The following RALYL variants were observed in gnomAD, a reference collection of about 807,000 sequenced individuals.
RALYL encodes the protein RNA-binding Raly-like protein.
In RALYL, 29 loss-of-function variants were observed where a neutral mutation model predicts 35.1. The ratio of observed to expected loss-of-function variants is 0.83; its 90% CI spans 0.61 to 1.13. The LOEUF (loss-of-function observed/expected upper bound fraction) is 1.13. Among genes scored for constraint, RALYL ranks in the 50% most tolerant of loss-of-function variants. The pLI, the probability that RALYL is intolerant of heterozygous loss-of-function variation, is 0.00. For synonymous variants in RALYL, 120 were observed against 127.6 expected (o/e 0.94, Z 0.40); for missense variants, 359 against 360.4 (o/e 1.00, Z 0.03).
At chr8:84,679,784 A>C in intron 2 of RALYL, 1 of 506,844 alleles carries the variant, frequency 2.0e-6, no homozygotes, top group Admixed American at 2.1e-5. Flanking sequence ...AAGCCAGGGA[A>C]ATTGGATAGA....
At chr8:84,913,027 G>GGT (rs1563856249) in intron 8 of RALYL, among the ~76,000 whole-genome samples, 2,140 of 120,280 alleles carry the variant, frequency 0.018, 24 homozygotes, top group East Asian at 0.054. Context: ...TGGATGGATG[G>GGT]ATGGATAGGT....
At chr8:84,368,214 A>T (rs1854908723) in intron 1 of RALYL, among the ~76,000 whole-genome samples, 1 of 152,206 alleles carries the variant, frequency 6.6e-6, no homozygotes, top group Non-Finnish European at 1.5e-5. Context: ...GATATGTGCA[A>T]GCGCTATTCT....
At chr8:84,691,144 T>G (rs1266989225) in intron 2 of RALYL, among the ~76,000 whole-genome samples, 3 of 152,246 alleles carry the variant, frequency 2.0e-5, no homozygotes, top group African/African-American at 7.2e-5. Context: ...TTAAAATTAC[T>G]TTCTTTAGTT....
intron 1 of RALYL, among the ~76,000 whole-genome samples, chr8:84,444,223 C>T (rs923211841): frequency 4.6e-5 from 7 of 151,884 alleles, no homozygotes; most frequent in Admixed American, 2.6e-4. Context: ...TAGATGCTTG[C>T]GAAGCTGAGG....
chr8:84,601,545 G>A lies in RALYL; in HGVS notation c.256+71968G>A, dbSNP rs1003753979. 3.3e-5 allele frequency among the ~76,000 whole-genome samples: 5 copies of A among 151,896 alleles called. No homozygotes were observed. The East Asian group carries it at 9.7e-4, about 29-fold the overall frequency. On this transcript the variant is annotated intron_variant, in intron 2 of 8. Coordinates refer to ENST00000521268, the MANE Select transcript of RALYL (RefSeq NM_173848.7). Reference sequence around the variant, plus strand: ...GGTCAGATGAAGCTGGTTTTGCTCTGCTTCACCTAATTCCATCTTCCTGCC... The same window carrying A: ...GGTCAGATGAAGCTGGTTTTGCTCTACTTCACCTAATTCCATCTTCCTGCC...
At chr8:84,650,169 A>G (rs1269586107) in intron 2 of RALYL, among the ~76,000 whole-genome samples, 1 of 152,056 alleles carries the variant, frequency 6.6e-6, no homozygotes, top group Admixed American at 6.6e-5. Context: ...TATCAGCTTA[A>G]GGAGATTTTG....
At position 84,183,573 on chromosome 8, in the gene RALYL, C is replaced by T. The variant is rs1334451853; in HGVS notation, c.-875C>T. On this transcript the variant is annotated 5_prime_UTR_variant, in exon 1 of 9. Coordinates refer to ENST00000521268, the MANE Select transcript of RALYL (RefSeq NM_173848.7). ...CATTTTTATTCCAACATTTTACTCCCGCTCGGTGAGTACCTTCTCAGTGGC... is the reference window on the plus strand; with the variant it reads ...CATTTTTATTCCAACATTTTACTCCTGCTCGGTGAGTACCTTCTCAGTGGC... 6.6e-6 allele frequency: 1 copy of T among 152,206 alleles called. No homozygotes were observed. Among genetic ancestry groups the T allele is most frequent in the Non-Finnish European group, 1.5e-5 (1 of 68,044 alleles). The allele number at this position is 152,206 out of a possible 1,614,324, so 9.4% of individuals were successfully genotyped here.
intron 4 of RALYL, among the ~76,000 whole-genome samples, chr8:84,833,087 TCTTCTCTAGCCCAACATC>T (rs1371547043): frequency 6.6e-6 from 1 of 152,146 alleles, no homozygotes; most frequent in Non-Finnish European, 1.5e-5. Context: ...TCTCAAAGGC[TCTTCTCTAGCCCAACATC>T]CTTCTCTAGC....
At chr8:84,558,746 G>A (rs771320341) in intron 2 of RALYL, among the ~76,000 whole-genome samples, 1 of 152,060 alleles carries the variant, frequency 6.6e-6, no homozygotes, top group African/African-American at 2.4e-5. Context: ...TAGGCAATAT[G>A]GATGTAGTTT....
chr8:84,914,713 G>A (rs1243357124), intron 8 of RALYL, among the ~76,000 whole-genome samples: 1 of 151,820 alleles, frequency 6.6e-6, no homozygotes, highest in Non-Finnish European at 1.5e-5. Context: ...AATGCCAAAA[G>A]CACGTTCTTA....
intron 8 of RALYL, among the ~76,000 whole-genome samples, chr8:84,903,060 C>T (rs17799377): frequency 0.44 from 66,098 of 151,830 alleles, 17,747 homozygotes; most frequent in African/African-American, 0.74. Flanking sequence ...TTTTTTTTAA[C>T]GACTTGGTTA....
chr8:84,621,866 T>G (rs2131090453), intron 2 of RALYL, among the ~76,000 whole-genome samples: 1 of 152,334 alleles, frequency 6.6e-6, no homozygotes, highest in Middle Eastern at 3.4e-3. Context: ...TTCTAGTCCT[T>G]TGCAGTGCTA....
intron 1 of RALYL, among the ~76,000 whole-genome samples, chr8:84,242,337 T>C (rs537008456): frequency 6.6e-6 from 1 of 152,364 alleles, no homozygotes; most frequent in African/African-American, 2.4e-5. Context: ...GAATGATTTC[T>C]ATTCATTTGG....
chr8:84,235,631 G>A (rs368972122), intron 1 of RALYL, among the ~76,000 whole-genome samples: 1 of 152,138 alleles, frequency 6.6e-6, no homozygotes, highest in African/African-American at 2.4e-5. Context: ...TAGCAGAGAT[G>A]CTAAAACCTC....
At chr8:84,474,709 C>T (rs2053188923) in intron 1 of RALYL, among the ~76,000 whole-genome samples, 1 of 151,962 alleles carries the variant, frequency 6.6e-6, no homozygotes, top group South Asian at 2.1e-4. Flanking sequence ...TGTAAATGTA[C>T]CTGAATCAAA....
intron 4 of RALYL, 27 bp from the exon 5 acceptor site, chr8:84,849,953 A>C: frequency 7.5e-7 from 1 of 1,340,178 alleles, no homozygotes; most frequent in South Asian, 1.5e-5. Context: ...AACAAATGCC[A>C]ACTAATTTTT....
chr8:84,623,388 A>G (rs942801078), intron 2 of RALYL, among the ~76,000 whole-genome samples: 1 of 152,192 alleles, frequency 6.6e-6, no homozygotes, highest in Non-Finnish European at 1.5e-5. Context: ...TATGTATAGA[A>G]GGATAGTGTT....
chr8:84,740,040 T>C (rs909859964), intron 2 of RALYL, among the ~76,000 whole-genome samples: 1 of 151,774 alleles, frequency 6.6e-6, no homozygotes, highest in Non-Finnish European at 1.5e-5. Context: ...AAAAATAGAA[T>C]AGAAGAATAA....
At chr8:84,471,573 A>T (rs983063920) in intron 1 of RALYL, among the ~76,000 whole-genome samples, 1 of 152,142 alleles carries the variant, frequency 6.6e-6, no homozygotes, top group Non-Finnish European at 1.5e-5. Context: ...AATAACAATA[A>T]CAGCAACAAC....
Sources: allele counts gnomAD v4.1 joint callset (sites outside exome capture counted in the v4.1 genomes callset), GRCh38; gene constraint gnomAD v4.1.1; transcripts MANE v1.5; gene names NCBI Gene and HGNC (gene_info 2026-07-23, HGNC 2026-07-21).